The following SCHIP1 variants were observed in gnomAD, a reference collection of about 807,000 sequenced individuals.
SCHIP1 encodes the protein schwannomin-interacting protein 1.
In SCHIP1, 8 loss-of-function variants were observed where a neutral mutation model predicts 29.7. The ratio of observed to expected loss-of-function variants is 0.27; its 90% confidence interval spans 0.16 to 0.49. The LOEUF is 0.49. Ranked by LOEUF, SCHIP1 falls within the 20% of genes least tolerant of loss-of-function variation. SCHIP1 has a pLI of 0.99. For synonymous variants in SCHIP1, 76 were observed against 94.9 expected (o/e 0.80, Z 1.16); for missense variants, 193 against 294.6 (o/e 0.66, Z 2.52).
the SCHIP1 span, among the ~76,000 whole-genome samples, chr3:159,585,188 C>T: frequency 6.6e-6 from 1 of 152,058 alleles, no homozygotes; most frequent in South Asian, 2.1e-4. Flanking sequence ...GCTTGTCTAA[C>T]TCCCTGCCTC....
chr3:159,613,948 T>C, the SCHIP1 span, among the ~76,000 whole-genome samples: 1 of 152,228 alleles, frequency 6.6e-6, no homozygotes, highest in Admixed American at 6.5e-5. Context: ...CTTCAATTAA[T>C]AACAATAATG....
the SCHIP1 span, chr3:159,275,023 G>A: frequency 1.0e-6 from 1 of 979,324 alleles, no homozygotes; most frequent in Non-Finnish European, 1.2e-6. Context: ...CAGTAATTTG[G>A]CATTTGATTT....
At chr3:159,770,943 G>A in the SCHIP1 span, among the ~76,000 whole-genome samples, 1 of 152,160 alleles carries the variant, frequency 6.6e-6, no homozygotes, top group Non-Finnish European at 1.5e-5. Flanking sequence ...TTTAAGTGCA[G>A]TTTTATTATT....
the SCHIP1 span, among the ~76,000 whole-genome samples, chr3:159,316,689 C>T: frequency 2.0e-5 from 3 of 152,254 alleles, no homozygotes; most frequent in South Asian, 6.2e-4. Flanking sequence ...CATAATACAA[C>T]CAGCCTTCGT....
chr3:159,792,314 C>G, the SCHIP1 span, among the ~76,000 whole-genome samples: 11 of 152,174 alleles, frequency 7.2e-5, no homozygotes, highest in African/African-American at 2.7e-4. Context: ...ACAGACTTGG[C>G]TTTGAATTCC....
chr3:159,281,655 T>G, the SCHIP1 span, among the ~76,000 whole-genome samples: 22 of 152,300 alleles, frequency 1.4e-4, 1 homozygote, highest in Admixed American at 1.4e-3. Flanking sequence ...GAAATGAGGC[T>G]TCTGTATAAA....
At chr3:159,656,423 T>G in the SCHIP1 span, among the ~76,000 whole-genome samples, 2 of 152,172 alleles carry the variant, frequency 1.3e-5, no homozygotes, top group Non-Finnish European at 2.9e-5. Flanking sequence ...CTCTTGTACC[T>G]TAGAGAGTTC....
chr3:159,302,329 AG>A, the SCHIP1 span, among the ~76,000 whole-genome samples: 8,036 of 152,260 alleles, frequency 0.053, 571 homozygotes, highest in African/African-American at 0.17. Flanking sequence ...TATTGCAATA[AG>A]TTTATTGTAA....
the SCHIP1 span, among the ~76,000 whole-genome samples, chr3:159,707,761 A>G: frequency 2.0e-5 from 3 of 152,194 alleles, no homozygotes; most frequent in Non-Finnish European, 4.4e-5. Context: ...ATTGTTCTAG[A>G]TCAAGGAATG....
chr3:159,392,761 C>T, the SCHIP1 span, among the ~76,000 whole-genome samples: 14 of 151,992 alleles, frequency 9.2e-5, no homozygotes, highest in Middle Eastern at 3.4e-3. Context: ...TGAATAGAGC[C>T]GCAATAAACA....
At chr3:159,300,578 A>G in the SCHIP1 span, among the ~76,000 whole-genome samples, 1 of 152,176 alleles carries the variant, frequency 6.6e-6, no homozygotes, top group Admixed American at 6.5e-5. Flanking sequence ...ACATTTGGCC[A>G]AAACTGAACT....
At chr3:159,507,876 T>G in the SCHIP1 span, among the ~76,000 whole-genome samples, 4 of 152,216 alleles carry the variant, frequency 2.6e-5, no homozygotes, top group Non-Finnish European at 4.4e-5. Context: ...TGCCAGTATT[T>G]TATTGAGGAT....
At chr3:159,712,736 G>A in the SCHIP1 span, among the ~76,000 whole-genome samples, 18 of 151,460 alleles carry the variant, frequency 1.2e-4, no homozygotes, top group African/African-American at 4.1e-4. Context: ...GAAGAGAAGG[G>A]AAGGGAAGGG....
At chr3:159,712,715 GGAAGGGAAGGGAAGA>G in the SCHIP1 span, among the ~76,000 whole-genome samples, 7 of 150,014 alleles carry the variant, frequency 4.7e-5, no homozygotes, top group Non-Finnish European at 8.9e-5. Context: ...GGAAAGGAAA[GGAAGGGAAGGGAAGA>G]GAAGGGAAGG....
chr3:159,774,956 T>G, the SCHIP1 span, among the ~76,000 whole-genome samples: 1 of 152,178 alleles, frequency 6.6e-6, no homozygotes, highest in Non-Finnish European at 1.5e-5. Context: ...TTTTTTTTCT[T>G]TTTTTTCTTC....
the SCHIP1 span, among the ~76,000 whole-genome samples, chr3:159,573,500 T>C: frequency 3.6e-4 from 55 of 152,302 alleles, 1 homozygote; most frequent in East Asian, 9.6e-3. Context: ...ATGGGCTTCC[T>C]TTTGTGGGTA....
chr3:159,495,802 C>G, the SCHIP1 span, among the ~76,000 whole-genome samples: 1 of 152,158 alleles, frequency 6.6e-6, no homozygotes, highest in African/African-American at 2.4e-5. Context: ...ATCACCAAGT[C>G]AATCCTAAGC....
the SCHIP1 span, among the ~76,000 whole-genome samples, chr3:159,751,663 G>T: frequency 1.3e-5 from 2 of 151,760 alleles, no homozygotes; most frequent in Non-Finnish European, 2.9e-5. Context: ...TCCTGCCTCA[G>T]CCTCCAGAGT....
the SCHIP1 span, among the ~76,000 whole-genome samples, chr3:159,449,256 C>T: frequency 6.6e-6 from 1 of 152,030 alleles, no homozygotes; most frequent in African/African-American, 2.4e-5. Context: ...GTGTGTAGAT[C>T]TTGGATAAGA....
Sources: allele counts gnomAD v4.1 joint callset (sites outside exome capture counted in the v4.1 genomes callset), GRCh38; gene constraint gnomAD v4.1.1; transcripts MANE v1.5; gene names NCBI Gene and HGNC (gene_info 2026-07-23, HGNC 2026-07-21).